Variants in FBLN2 observed in about 807,000 individuals in gnomAD.
FBLN2 encodes the protein fibulin-2.
A neutral mutation model predicts 123.7 loss-of-function variants in FBLN2; 81 were observed. That is an observed-to-expected ratio of 0.65 (90% CI 0.55 to 0.79). The LOEUF (loss-of-function observed/expected upper bound fraction) is 0.79. FBLN2 is among the 30% of genes least tolerant of loss of function. The pLI is 0.00. For missense variants in FBLN2, 1,603 were observed against 1,681.3 expected (o/e 0.95, Z 0.81); for synonymous variants, 699 against 701.4 (o/e 1.00, Z 0.05).
chr3:13,566,683 G>A (rs1703757259), intron 1 of FBLN2: 1 of 152,248 alleles, frequency 6.6e-6, no homozygotes, highest in South Asian at 2.1e-4. Context: ...TGCATTTGGG[G>A]GGGCCCAGAC....
chr3:13,563,718 C>T (rs1306259068), intron 1 of FBLN2, among the ~76,000 whole-genome samples: 1 of 152,262 alleles, frequency 6.6e-6, no homozygotes, highest in East Asian at 1.9e-4. Context: ...GATTCTGATG[C>T]AGCTGACCTA....
chr3:13,611,294 G>A (rs944017347), intron 4 of FBLN2, among the ~76,000 whole-genome samples: 12 of 152,146 alleles, frequency 7.9e-5, no homozygotes, highest in Non-Finnish European at 1.3e-4. Flanking sequence ...AAAATTGATC[G>A]TCTGAACCAT....
At chr3:13,637,132 C>G (rs138261663) in intron 17 of FBLN2, among the ~76,000 whole-genome samples, 138 of 152,254 alleles carry the variant, frequency 9.1e-4, no homozygotes, top group Non-Finnish European at 1.3e-3. Context: ...ACTGACAGAC[C>G]GCTACTCTGC....
chr3:13,573,281 C>T (rs1203764314), intron 2 of FBLN2, among the ~76,000 whole-genome samples: 1 of 152,104 alleles, frequency 6.6e-6, no homozygotes, highest in Non-Finnish European at 1.5e-5. Flanking sequence ...TTTGCACGTG[C>T]TGTTTCCCCC....
chr3:13,568,182 C>T (rs1178605111), intron 1 of FBLN2, among the ~76,000 whole-genome samples: 3 of 152,188 alleles, frequency 2.0e-5, no homozygotes, highest in African/African-American at 4.8e-5. Context: ...AGCACTCCGC[C>T]GGCCCTGAGC....
chr3:13,559,801 G>T (rs767409804), intron 1 of FBLN2, among the ~76,000 whole-genome samples: 5 of 152,242 alleles, frequency 3.3e-5, no homozygotes, highest in Admixed American at 2.0e-4. Flanking sequence ...TTTGGAGCAG[G>T]GATGAGAGGT....
At chr3:13,575,834 C>T (rs1704122820) in intron 2 of FBLN2, among the ~76,000 whole-genome samples, 1 of 152,312 alleles carries the variant, frequency 6.6e-6, no homozygotes, top group South Asian at 2.1e-4. Flanking sequence ...ATGTTCCGCT[C>T]CTCCCCCATC....
Position 13,631,637 on chromosome 3 carries a change from G to A in FBLN2, c.3214+180G>A, listed in dbSNP as rs140057181. ...TGAGGTTGTGCCTGGGATGAAGAAC[G>A]TGACAGTCTTGCTGCTGCTCAATCC... On this transcript the variant is annotated intron_variant, in intron 16 of 17. Transcript: ENST00000404922. 3.7e-3 allele frequency among the ~76,000 whole-genome samples: 571 copies of A among 152,334 alleles called. 2 individuals are homozygous for A. The highest frequency in any genetic ancestry group is 0.013 in the African/African-American group (558 of 41,574).
At chr3:13,607,932 G>A (rs186784408) in intron 2 of FBLN2, 130 bp from the exon 3 acceptor site, 7 of 663,550 alleles carry the variant, frequency 1.1e-5, no homozygotes, top group Middle Eastern at 2.5e-4. Flanking sequence ...AGCTGTTAGC[G>A]ACCAGCATGC....
At chr3:13,557,602 G>C (rs1354049530) in intron 1 of FBLN2, among the ~76,000 whole-genome samples, 1 of 152,184 alleles carries the variant, frequency 6.6e-6, no homozygotes, top group Admixed American at 6.5e-5. Flanking sequence ...TCACCCTCGA[G>C]CTCAGAAGCT....
rs575332305 is a variant in FBLN2, at chr3:13,596,973, C to A, written c.1307-11089C>A. On this transcript the variant is annotated intron_variant, in intron 2 of 17. Transcript: ENST00000404922. ...TTTAGATAAGGTCTTGCTCTGTTGC[C>A]CAGGCTGAAGTGCGGTGGCACGATC... Among the ~76,000 whole-genome samples, 3 of 150,872 alleles carry A rather than the reference C, an allele frequency of 2.0e-5. No homozygotes were observed. In the South Asian group the frequency reaches 6.3e-4, roughly 32 times the overall value.
chr3:13,583,088 G>T (rs557384599), intron 2 of FBLN2, among the ~76,000 whole-genome samples: 2 of 152,344 alleles, frequency 1.3e-5, no homozygotes, highest in South Asian at 4.1e-4. Context: ...CAGCAAACGC[G>T]CGAGCTGCGA....
At chr3:13,559,255 A>AGCG (rs1553616082) in intron 1 of FBLN2, among the ~76,000 whole-genome samples, 4 of 151,830 alleles carry the variant, frequency 2.6e-5, no homozygotes, top group African/African-American at 7.3e-5. Context: ...GTTAATCAAA[A>AGCG]GGGGTTCATG....
At chr3:13,588,170 TG>T (rs1305159344) in intron 2 of FBLN2, among the ~76,000 whole-genome samples, 3 of 152,248 alleles carry the variant, frequency 2.0e-5, no homozygotes, top group African/African-American at 7.2e-5. Context: ...TGTCTAGCTT[TG>T]TTTAGATTCA....
chr3:13,589,437 T>G (rs1295859820), intron 2 of FBLN2, among the ~76,000 whole-genome samples: 7 of 152,130 alleles, frequency 4.6e-5, no homozygotes, highest in African/African-American at 1.7e-4. Context: ...TTGGTAACTG[T>G]GACTCTCCCA....
At chr3:13,628,878 C>T (rs770929031) in intron 11 of FBLN2, 27 bp from the exon 12 acceptor site, 2 of 1,605,772 alleles carry the variant, frequency 1.2e-6, no homozygotes, top group Non-Finnish European at 1.7e-6. Context: ...ATGCCGGGCT[C>T]CCTGTCACCT....
chr3:13,549,672 C>T lies in FBLN2; in HGVS notation c.-42+464C>T, dbSNP rs115242642. Among the ~76,000 whole-genome samples, 502 of 150,638 alleles carry T rather than the reference C, an allele frequency of 3.3e-3. 3 individuals are homozygous for T. Among genetic ancestry groups the T allele is most frequent in the African/African-American group, 0.011 (447 of 41,040 alleles). ...GACTAGAGTCCCTGGTCTAACACTA[C>T]CCCCTCCATCACCCCCAAGTCACAC... On this transcript the variant is annotated intron_variant, in intron 1 of 17. Coordinates refer to ENST00000404922, the MANE Select transcript of FBLN2 (RefSeq NM_001004019.2).
chr3:13,556,157 G>C (rs1345848997), intron 1 of FBLN2, among the ~76,000 whole-genome samples: 2 of 152,212 alleles, frequency 1.3e-5, no homozygotes, highest in Non-Finnish European at 2.9e-5. Context: ...GGTTCCGGCT[G>C]CTATAACAAA....
intron 2 of FBLN2, among the ~76,000 whole-genome samples, chr3:13,604,197 G>C (rs1705131961): frequency 1.3e-5 from 2 of 152,196 alleles, no homozygotes; most frequent in Non-Finnish European, 2.9e-5. Flanking sequence ...TGTTCACTCT[G>C]ATGGTAGTTT....
Sources: gnomAD v4.1 joint callset for allele counts (sites outside exome capture counted in the v4.1 genomes callset) on GRCh38, gnomAD v4.1.1 for gene constraint, MANE v1.5 for transcripts, NCBI Gene and HGNC (gene_info 2026-07-23, HGNC 2026-07-21) for gene names.